Variants in PDXDC1 observed in about 807,000 individuals in gnomAD.
PDXDC1 encodes pyridoxal-dependent decarboxylase domain-containing protein 1.
In PDXDC1, 42 loss-of-function variants were observed where a neutral mutation model predicts 100.1. The observed-to-expected ratio is 0.42, with a 90% CI of 0.33 to 0.54. The LOEUF is 0.54. Ranked by LOEUF, PDXDC1 falls within the 20% of genes least tolerant of loss-of-function variation. The pLI, the probability that PDXDC1 is intolerant of heterozygous loss-of-function variation, is 0.10. For missense variants in PDXDC1, 636 were observed against 979.2 expected, an observed-to-expected ratio of 0.65 and a Z score of 4.68; for synonymous variants, 260 against 371.7, an observed-to-expected ratio of 0.70 and a Z score of 3.46.
At position 15,033,429 on chromosome 16, in the gene PDXDC1, C is replaced by T. The variant is rs559342605; in HGVS notation, c.1812+30C>T. On this transcript the variant is annotated intron_variant, in intron 19 of 22. Coordinates refer to ENST00000396410, the MANE Select transcript of PDXDC1 (RefSeq NM_015027.4). ...GTAGCACCCATCAGTGTTCATTCCT[C>T]TTCTGAGTTTTGTCCCACCAAACAG... 37 of 1,607,378 alleles carry T rather than the reference C, an allele frequency of 2.3e-5. No individual in the cohort carries two copies. The African/African-American group carries it at 3.6e-4, about 16-fold the overall frequency.
intron 16 of PDXDC1, among the ~76,000 whole-genome samples, chr16:15,114,894 C>G (rs1274933946): frequency 2.2e-5 from 3 of 134,526 alleles, no homozygotes; most frequent in Non-Finnish European, 3.2e-5. Flanking sequence ...TACACTAACA[C>G]TAACAATAGC....
intron 16 of PDXDC1, among the ~76,000 whole-genome samples, chr16:15,079,487 A>T (rs886813932): frequency 3.9e-5 from 6 of 152,200 alleles, no homozygotes; most frequent in African/African-American, 1.4e-4. Flanking sequence ...TTGGATAACT[A>T]TGTATTTAAC....
chr16:15,091,159 G>T (rs1466165870), intron 16 of PDXDC1, among the ~76,000 whole-genome samples: 4 of 152,092 alleles, frequency 2.6e-5, no homozygotes, highest in African/African-American at 9.7e-5. Context: ...TGTCTTCTAG[G>T]GGGTAAAACT....
At chr16:15,016,604 A>G (rs1377656954) in intron 9 of PDXDC1, among the ~76,000 whole-genome samples, 1 of 152,302 alleles carries the variant, frequency 6.6e-6, no homozygotes, top group African/African-American at 2.4e-5. Flanking sequence ...GTATTGAACC[A>G]GCCACTGTGG....
chr16:15,087,789 T>C (rs1298979864), intron 16 of PDXDC1, among the ~76,000 whole-genome samples: 2 of 152,116 alleles, frequency 1.3e-5, no homozygotes, highest in African/African-American at 4.8e-5. Context: ...GCAACAAAAC[T>C]ATAAGGATAA....
rs1187651884 is a variant in PDXDC1, at chr16:15,027,631, C to T, written c.1204+925C>T. Among the ~76,000 whole-genome samples the T allele has an allele frequency of 7.9e-5, 12 of 152,402 alleles. No individual in the cohort carries two copies. In the East Asian group the frequency reaches 1.7e-3, roughly 22 times the overall value. The stretch of plus-strand genomic sequence containing the variant: ...ACAGATTTCCCTTGGAGTTGGGCCG[C>T]TCAGCGGCCCTGGCCAAACTCCGCC... On this transcript the variant is annotated intron_variant, in intron 14 of 22. Transcript: ENST00000396410.
intron 1 of PDXDC1, chr16:14,988,658 C>G (rs1597319840): frequency 6.2e-7 from 1 of 1,613,674 alleles, no homozygotes; most frequent in East Asian, 2.2e-5. Flanking sequence ...AGGGCTTGCC[C>G]TCGGCATCCG....
In PDXDC1 at chr16:15,036,141, G is replaced by A. The variant is rs770579791; in HGVS notation, c.2233G>A (p.Glu745Lys). ...LSSGPEQITL[E>K]ASSTEGHPGA... Reference sequence around the variant, plus strand: ...CAGTGGGCCGGAGCAGATCACCCTCGAGGCCAGCAGCACTGAGGGACACCC... The same window carrying A: ...CAGTGGGCCGGAGCAGATCACCCTCAAGGCCAGCAGCACTGAGGGACACCC... Residue 745 changes from glutamate to lysine, a missense_variant, in exon 23 of 23, where the codon GAG (glutamate) becomes AAG (lysine). Physicochemically the swap from Glu to Lys is moderately conservative, Grantham distance 56 (BLOSUM62 1). Transcript: ENST00000396410. 6.8e-6 allele frequency: 11 copies of A among 1,613,976 alleles called. No individual in the cohort carries two copies. The highest frequency in any genetic ancestry group is 4.0e-5 in the African/African-American group (3 of 74,898).
In PDXDC1 at chr16:15,016,115, G is replaced by A. The variant is rs1597521360; in HGVS notation, c.728-14G>A. 1 of 1,614,078 alleles carries A rather than the reference G, an allele frequency of 6.2e-7. No individual in the cohort carries two copies. The highest frequency in any genetic ancestry group is 2.2e-5 in the East Asian group (1 of 44,888). On this transcript the variant is annotated splice_polypyrimidine_tract_variant and intron_variant, in intron 8 of 22. Transcript: ENST00000396410. The stretch of plus-strand genomic sequence containing the variant: ...CATTTGTTCCTTTTAATGCCCTGAT[G>A]TGTTTTATCCTAGGAACGGCAGCAG...
At chr16:14,991,267 A>ATATGTG (rs1555545860) in intron 1 of PDXDC1, among the ~76,000 whole-genome samples, 11 of 149,764 alleles carry the variant, frequency 7.3e-5, no homozygotes, top group Non-Finnish European at 1.5e-4. Context: ...GTATATAGAT[A>ATATGTG]TGTGTGTGTG....
rs1972138611 is a variant in PDXDC1 at position 14,997,077 on chromosome 16, G to A, written c.22-676G>A. Among the ~76,000 whole-genome samples, 5 of 152,290 alleles carry A rather than the reference G, an allele frequency of 3.3e-5. No individual in the cohort carries two copies. The South Asian group carries it at 8.3e-4, about 25-fold the overall frequency. On this transcript the variant is annotated intron_variant, in intron 1 of 22. Coordinates refer to ENST00000396410, the MANE Select transcript of PDXDC1 (RefSeq NM_015027.4). ...CATGGGACTTGTAACTTGTCAAGTGGGAAGGTGGTACCAAGTGAAGAAGGG... is the reference window on the plus strand; with the variant it reads ...CATGGGACTTGTAACTTGTCAAGTGAGAAGGTGGTACCAAGTGAAGAAGGG...
At chr16:15,115,055 C>T (rs2047198075) in intron 16 of PDXDC1, among the ~76,000 whole-genome samples, 1 of 148,948 alleles carries the variant, frequency 6.7e-6, no homozygotes, top group African/African-American at 2.5e-5. Flanking sequence ...CCTGCCTCAG[C>T]CTCCCGAGCA....
At chr16:15,151,821 C>T in the PDXDC1 span, among the ~76,000 whole-genome samples, 1 of 131,142 alleles carries the variant, frequency 7.6e-6, no homozygotes, top group African/African-American at 2.6e-5. Flanking sequence ...ATCCCAGCTA[C>T]TCGGGAGGCT....
intron 16 of PDXDC1, among the ~76,000 whole-genome samples, chr16:15,080,590 C>A (rs2045657451): frequency 6.6e-6 from 1 of 152,142 alleles, no homozygotes. Flanking sequence ...CACACCACCA[C>A]ATGAGGTTAA....
intron 7 of PDXDC1, 99 bp downstream of exon 7, chr16:15,008,946 T>G (rs2041028991): frequency 8.7e-7 from 1 of 1,145,840 alleles, no homozygotes; most frequent in Non-Finnish European, 1.3e-6. Flanking sequence ...AATTAGTAAC[T>G]TACTCATGTA....
At chr16:15,130,777 C>T (rs763988361) in intron 16 of PDXDC1, 2 of 1,147,030 alleles carry the variant, frequency 1.7e-6, no homozygotes, top group Non-Finnish European at 1.3e-6. Context: ...TCGGGTTCCT[C>T]AGACAGGTAG....
At chr16:15,072,953 T>C (rs1227019186) in intron 16 of PDXDC1, 1 of 1,613,158 alleles carries the variant, frequency 6.2e-7, no homozygotes, top group Non-Finnish European at 8.5e-7. Context: ...TACTCACCAA[T>C]TTGAAACTAC....
chr16:14,995,230 G>A, intron 1 of PDXDC1, among the ~76,000 whole-genome samples: 1 of 152,286 alleles, frequency 6.6e-6, no homozygotes, highest in Non-Finnish European at 1.5e-5. Context: ...AGTTTTCAAA[G>A]GGAATGCTTC....
At chr16:15,090,946 T>C (rs1202960314) in intron 16 of PDXDC1, among the ~76,000 whole-genome samples, 2 of 142,886 alleles carry the variant, frequency 1.4e-5, no homozygotes, top group African/African-American at 2.6e-5. Context: ...AGGAAAGAGG[T>C]AGTAATCTAA....
Sources: allele counts gnomAD v4.1 joint callset (sites outside exome capture counted in the v4.1 genomes callset), GRCh38; gene constraint gnomAD v4.1.1; transcripts MANE v1.5; gene names NCBI Gene and HGNC (gene_info 2026-07-23, HGNC 2026-07-21).